Variants in PARD6B observed in about 807,000 individuals in gnomAD.
The protein encoded by PARD6B is par-6 family cell polarity regulator beta, also known as partitioning defective 6 homolog beta.
Under a neutral mutation model 10.5 loss-of-function variants are expected in PARD6B, and 4 were observed. The observed-to-expected ratio is 0.38, with a 90% CI of 0.19 to 0.87. The LOEUF is 0.87. Among genes scored for constraint, PARD6B ranks in the 40% least tolerant of loss-of-function variants. The pLI is 0.41. For missense variants in PARD6B, 396 were observed against 470.6 expected (o/e 0.84, Z 1.47); for synonymous variants, 169 against 170.4 (o/e 0.99, Z 0.07).
At position 50,751,080 on chromosome 20, in the gene PARD6B, C is replaced by A; in HGVS notation, c.*592C>A. The stretch of plus-strand genomic sequence containing the variant: ...AATCCCCTGGGCTCAAGCAGTCCTC[C>A]CACCTCAGCCTCCTGAGTAGCTGGG... On this transcript the variant is annotated 3_prime_UTR_variant, in exon 3 of 3. Coordinates refer to ENST00000371610, the MANE Select transcript of PARD6B (RefSeq NM_032521.3). The A allele has an allele frequency of 2.1e-6, 1 of 483,698 alleles. No homozygotes were observed. The highest frequency in any genetic ancestry group is 2.7e-6 in the Non-Finnish European group (1 of 373,710). The allele number at this position is 483,698 out of a possible 1,614,324, so 30.0% of individuals were successfully genotyped here.
intron 2 of PARD6B, among the ~76,000 whole-genome samples, chr20:50,742,377 T>G (rs2087535801): frequency 6.7e-6 from 1 of 150,346 alleles, no homozygotes; most frequent in African/African-American, 2.5e-5. Flanking sequence ...TTTATTTTAT[T>G]TTTTTTGAGA....
chr20:50,738,488 G>T (rs1313071802), intron 2 of PARD6B, among the ~76,000 whole-genome samples: 1 of 152,238 alleles, frequency 6.6e-6, no homozygotes, highest in Non-Finnish European at 1.5e-5. Context: ...TTCAAAGGCT[G>T]TATTTACCAG....
intron 2 of PARD6B, among the ~76,000 whole-genome samples, chr20:50,749,093 C>T (rs2087584763): frequency 6.6e-6 from 1 of 152,050 alleles, no homozygotes; most frequent in Non-Finnish European, 1.5e-5. Flanking sequence ...CCTATAATTC[C>T]AGCACTTTGG....
chr20:50,732,043 C>A (rs1600812839), intron 1 of PARD6B, among the ~76,000 whole-genome samples, 191 bp downstream of exon 1: 5 of 152,288 alleles, frequency 3.3e-5, no homozygotes, highest in African/African-American at 1.2e-4. Flanking sequence ...CGCTAGTGTC[C>A]GCCCCTGGCC....
At chr20:50,748,780 A>G (rs1175946979) in intron 2 of PARD6B, among the ~76,000 whole-genome samples, 2 of 152,138 alleles carry the variant, frequency 1.3e-5, no homozygotes, top group East Asian at 1.9e-4. Flanking sequence ...TGGCCTCCCA[A>G]AAAAGCACTG....
At chr20:50,745,324 T>C (rs931145244) in intron 2 of PARD6B, among the ~76,000 whole-genome samples, 1 of 150,518 alleles carries the variant, frequency 6.6e-6, no homozygotes, top group African/African-American at 2.5e-5. Context: ...CTCGGGAGGC[T>C]GAGGAAGGAG....
chr20:50,734,420 C>T (rs994197006), intron 1 of PARD6B, among the ~76,000 whole-genome samples: 2 of 152,034 alleles, frequency 1.3e-5, no homozygotes, highest in African/African-American at 4.8e-5. Context: ...GATCACGGCT[C>T]ACTGCAGCCT....
At chr20:50,742,331 G>A (rs555074608) in intron 2 of PARD6B, among the ~76,000 whole-genome samples, 3 of 151,350 alleles carry the variant, frequency 2.0e-5, no homozygotes, top group East Asian at 3.9e-4. Flanking sequence ...GGTGGGAGCC[G>A]CCGTGCCTGG....
intron 2 of PARD6B, among the ~76,000 whole-genome samples, chr20:50,747,489 C>CTTT (rs58629233): frequency 0.022 from 748 of 33,348 alleles, 64 homozygotes; most frequent in East Asian, 0.078. Flanking sequence ...TTCTTTCTTT[C>CTTT]TTTTTTTTTT....
At position 50,731,630 on chromosome 20, in the gene PARD6B, C is replaced by CGCGGACGCCGGAGCT; in HGVS notation, c.-152_-138dup. 1.9e-6 allele frequency: 1 copy of CGCGGACGCCGGAGCT among 512,830 alleles called. No individual in the cohort carries two copies. The highest frequency in any genetic ancestry group is 3.3e-6 in the Non-Finnish European group (1 of 305,530). The allele number at this position is 512,830 out of a possible 1,614,324, so 31.8% of individuals were successfully genotyped here. A position where few individuals can be genotyped will look rare whatever the true frequency, so the allele number is the denominator to read the frequency against. ...GAGCAGCTGGTGGAGTGGAGCTCAGCGCGGACGCCGGAGCTGCGGCCGCCC... is the reference window on the plus strand; with the variant it reads ...GAGCAGCTGGTGGAGTGGAGCTCAGCGCGGACGCCGGAGCTGCGGACGCCGGAGCTGCGGCCGCCC... On this transcript the variant is annotated 5_prime_UTR_variant, in exon 1 of 3. Coordinates refer to ENST00000371610, the MANE Select transcript of PARD6B (RefSeq NM_032521.3).
chr20:50,744,105 C>CTA (rs1555882730), intron 2 of PARD6B, among the ~76,000 whole-genome samples: 1 of 77,826 alleles, frequency 1.3e-5, no homozygotes, highest in East Asian at 4.5e-4. Context: ...GAAGTAGCTT[C>CTA]TTTTTTTTTT....
At chr20:50,742,501 G>A (rs1210271324) in intron 2 of PARD6B, among the ~76,000 whole-genome samples, 1 of 151,708 alleles carries the variant, frequency 6.6e-6, no homozygotes, top group Non-Finnish European at 1.5e-5. Context: ...AAGTAGCTGG[G>A]ACTACAAGCG....
chr20:50,734,603 G>A lies in PARD6B; in HGVS notation c.66+2751G>A, dbSNP rs191585831. On this transcript the variant is annotated intron_variant, in intron 1 of 2. Coordinates refer to ENST00000371610, the MANE Select transcript of PARD6B (RefSeq NM_032521.3). ...TTGAACACCTGAGCTCTAGTGATCC[G>A]CCCGTCTCTACCTCTCAAAGTACTG... Among the ~76,000 whole-genome samples the A allele has an allele frequency of 3.1e-3, 471 of 151,988 alleles. 2 individuals carry two copies. The highest frequency in any genetic ancestry group is 0.01 in the African/African-American group (427 of 41,438).
In PARD6B at chr20:50,731,657, C is replaced by G. The variant is rs1024243986; in HGVS notation, c.-130C>G. 4.3e-5 allele frequency: 29 copies of G among 667,506 alleles called. No individual in the cohort carries two copies. The highest frequency in any genetic ancestry group is 6.3e-5 in the Non-Finnish European group (28 of 445,188). 41.3% of individuals were successfully genotyped at this position (667,506 alleles called of 1,614,324 possible). A position where few individuals can be genotyped will look rare whatever the true frequency, so the allele number is the denominator to read the frequency against. The stretch of plus-strand genomic sequence containing the variant: ...CGGACGCCGGAGCTGCGGCCGCCCC[C>G]TCTGCAGGTGCCTGTGAGGAGGCGC... On this transcript the variant is annotated 5_prime_UTR_variant, in exon 1 of 3. Transcript: ENST00000371610.
intron 2 of PARD6B, among the ~76,000 whole-genome samples, chr20:50,741,301 T>A (rs148981414): frequency 6.6e-6 from 1 of 151,988 alleles, no homozygotes; most frequent in African/African-American, 2.4e-5. Flanking sequence ...GCTTGGTTAT[T>A]CTTAAGGACA....
In PARD6B at chr20:50,751,211, C is replaced by T; in HGVS notation, c.*723C>T. The T allele has an allele frequency of 1.1e-6, 1 of 919,930 alleles. No individual in the cohort carries two copies. Among genetic ancestry groups the T allele is most frequent in the Non-Finnish European group, 1.3e-6 (1 of 771,050 alleles). The allele number at this position is 919,930 out of a possible 1,614,324, so 57.0% of individuals were successfully genotyped here. A position where few individuals can be genotyped will look rare whatever the true frequency, so the allele number is the denominator to read the frequency against. On this transcript the variant is annotated 3_prime_UTR_variant, in exon 3 of 3. Coordinates refer to ENST00000371610, the MANE Select transcript of PARD6B (RefSeq NM_032521.3). Reference sequence around the variant, plus strand: ...TCTTGAACTCCTGGGCTTAAGCAGTCCTGCCTCGGCTTCCCAAAATGCTAG... The same window carrying T: ...TCTTGAACTCCTGGGCTTAAGCAGTTCTGCCTCGGCTTCCCAAAATGCTAG...
At position 50,750,138 on chromosome 20, in the gene PARD6B, A is replaced by T; in HGVS notation, c.769A>T (p.Arg257Trp). The change falls in exon 3 of 3, where the codon AGG becomes TGG. Residue 257 changes from arginine to tryptophan, a missense_variant. By Grantham distance (101) the Arg-to-Trp change is moderately radical. Transcript: ENST00000371610. Reference sequence around the variant, plus strand: ...GGCAAACCAGAGGAATAATGTTGTGAGGAACAGTCGGACTTCTGGCAGTTC... The same window carrying T: ...GGCAAACCAGAGGAATAATGTTGTGTGGAACAGTCGGACTTCTGGCAGTTC... ...RPANQRNNVVRNSRTSGSSGQ... is the reference protein window; with the variant it reads ...RPANQRNNVVWNSRTSGSSGQ... The T allele has an allele frequency of 6.2e-7, 1 of 1,614,226 alleles. No homozygotes were observed. The highest frequency in any genetic ancestry group is 1.6e-4 in the Middle Eastern group (1 of 6,062).
Position 50,749,885 on chromosome 20 carries a change from C to T in PARD6B, c.516C>T (p.Tyr172=). The T allele has an allele frequency of 1.9e-6, 3 of 1,614,196 alleles. No homozygotes were observed. Among genetic ancestry groups the T allele is most frequent in the Non-Finnish European group, 2.5e-6 (3 of 1,180,036 alleles). ...KYGTEKPLGF[Y]IRDGSSVRVT... ...GCACGGAGAAACCCCTAGGATTCTA[C>T]ATCCGGGATGGCTCCAGTGTCAGGG... Residue 172 remains tyrosine (Y), a synonymous_variant, in exon 3 of 3, where the codon TAC becomes TAT. Transcript: ENST00000371610.
In PARD6B at chr20:50,752,001, T is replaced by C; in HGVS notation, c.*1513T>C. On this transcript the variant is annotated 3_prime_UTR_variant, in exon 3 of 3. Transcript: ENST00000371610. ...AGGCATGAGCGCCTAGCCAGGAAGC[T>C]ATCTTTTCTTGAGTTATGAAACTTT... 1.0e-6 allele frequency: 1 copy of C among 985,430 alleles called. No individual in the cohort carries two copies. The highest frequency in any genetic ancestry group is 1.2e-6 in the Non-Finnish European group (1 of 829,932). The allele number at this position is 985,430 out of a possible 1,614,324, so 61.0% of individuals were successfully genotyped here.
Sources: allele counts gnomAD v4.1 joint callset (sites outside exome capture counted in the v4.1 genomes callset), GRCh38; gene constraint gnomAD v4.1.1; transcripts MANE v1.5; gene names NCBI Gene and HGNC (gene_info 2026-07-23, HGNC 2026-07-21).